The following TNRC18 variants were observed in gnomAD, a reference collection of about 807,000 sequenced individuals.
TNRC18 encodes trinucleotide repeat containing 18, also known as trinucleotide repeat-containing gene 18 protein.
Under a neutral mutation model 226.7 loss-of-function variants are expected in TNRC18, and 69 were observed. The ratio of observed to expected loss-of-function variants is 0.30; its 90% CI spans 0.25 to 0.37. The LOEUF (loss-of-function observed/expected upper bound fraction) is 0.37. Ranked by LOEUF, TNRC18 falls within the 10% of genes least tolerant of loss-of-function variation. The pLI is 1.00. For synonymous variants in TNRC18, 2,449 were observed against 1,927.6 expected (o/e 1.27, Z -7.09); for missense variants, 4,754 against 4,256.6 (o/e 1.12, Z -3.25).
In TNRC18 at chr7:5,374,166, G is replaced by A; in HGVS notation, c.3118C>T (p.Pro1040Ser). 1 of 1,449,534 alleles carries A rather than the reference G, an allele frequency of 6.9e-7. No homozygotes were observed. Among genetic ancestry groups the A allele is most frequent in the South Asian group, 1.4e-5 (1 of 69,868 alleles). 89.8% of individuals were successfully genotyped at this position (1,449,534 alleles called of 1,614,324 possible). A position where few individuals can be genotyped will look rare whatever the true frequency, so the allele number is the denominator to read the frequency against. The change falls in exon 10 of 30, where the codon CCG (proline) becomes TCG (serine). Residue 1040 changes from proline (P) to serine (S), a missense_variant. Pro to Ser is a moderately conservative substitution (Grantham distance 74). Transcript: ENST00000430969. The part of the protein sequence containing the change: ...HPTSPPPASP[P>S]PTPGITRKEE... ...TTGCGGGTGATACCCGGGGTGGGCGGTGGGGAGGCGGGCGGCGGGCTGGTG... is the reference window on the plus strand; with the variant it reads ...TTGCGGGTGATACCCGGGGTGGGCGATGGGGAGGCGGGCGGCGGGCTGGTG...
intron 24 of TNRC18, among the ~76,000 whole-genome samples, chr7:5,319,935 G>C (rs1377788563): frequency 6.6e-6 from 1 of 152,186 alleles, no homozygotes. Context: ...TCTGACCCAG[G>C]CCCGGTCGAT....
chr7:5,346,860 C>G (rs1352909376), intron 17 of TNRC18, among the ~76,000 whole-genome samples: 1 of 152,192 alleles, frequency 6.6e-6, no homozygotes, highest in Non-Finnish European at 1.5e-5. Flanking sequence ...GACAATCGAA[C>G]AGAAACAGGG....
At chr7:5,342,895 C>G (rs1192034161) in intron 18 of TNRC18, among the ~76,000 whole-genome samples, 1 of 152,142 alleles carries the variant, frequency 6.6e-6, no homozygotes, top group Non-Finnish European at 1.5e-5. Context: ...ATTGCCACAG[C>G]CACCCCAACT....
chr7:5,339,199 C>T (rs980419059), intron 18 of TNRC18, among the ~76,000 whole-genome samples: 1 of 149,830 alleles, frequency 6.7e-6, no homozygotes, highest in Non-Finnish European at 1.5e-5. Context: ...ACTTCACCAA[C>T]AAATGTGTTT....
intron 2 of TNRC18, among the ~76,000 whole-genome samples, chr7:5,416,759 A>G (rs527353802): frequency 1.3e-5 from 2 of 152,006 alleles, no homozygotes; most frequent in African/African-American, 2.4e-5. Context: ...CAGGAGGCTG[A>G]GGCAGGAGGA....
At chr7:5,365,886 A>G (rs1332697829) in intron 11 of TNRC18, among the ~76,000 whole-genome samples, 3 of 152,136 alleles carry the variant, frequency 2.0e-5, no homozygotes, top group African/African-American at 4.8e-5. Context: ...CCTGACCAAC[A>G]TGGAGAAACC....
rs752847334 is a variant in TNRC18, at chr7:5,312,651, C to T, written c.8240G>A (p.Ser2747Asn). Residue 2747 changes from serine (S) to asparagine (N), a missense_variant, in exon 27 of 30, where the codon AGC (serine) becomes AAC (asparagine). Coordinates refer to ENST00000430969, the MANE Select transcript of TNRC18 (RefSeq NM_001080495.3). The surrounding 1 kb of genome is among the most constrained non-coding windows in gnomAD (Gnocchi z 6.3). ...GACGCCCTCTCTCTTCTTGGGTCGG[C>T]TCTTGGCCCCGGCCTGAGCCTTGGG... is the stretch of plus-strand genomic sequence containing the variant. ...LQPKAQAGAK[S>N]RPKKREGVHL... is the part of the protein sequence containing the mutation. 9 of 1,608,810 alleles carry T rather than the reference C, an allele frequency of 5.6e-6. No homozygotes were observed. The East Asian group carries it at 1.3e-4, about 24-fold the overall frequency.
At chr7:5,346,612 C>G (rs1791225359) in intron 17 of TNRC18, among the ~76,000 whole-genome samples, 1 of 152,168 alleles carries the variant, frequency 6.6e-6, no homozygotes, top group Non-Finnish European at 1.5e-5. Context: ...AGTTCCAGAC[C>G]AGCCTGGGCA....
intron 3 of TNRC18, among the ~76,000 whole-genome samples, chr7:5,392,932 A>G (rs1016818248): frequency 6.6e-6 from 1 of 152,072 alleles, no homozygotes; most frequent in African/African-American, 2.4e-5. Context: ...GAATGGCTTG[A>G]GCCTGGGAGG....
Position 5,320,401 on chromosome 7 carries a change from G to A in TNRC18, c.6662C>T (p.Thr2221Ile). Residue 2221 changes from threonine to isoleucine, a missense_variant, in exon 24 of 30, where the codon ACT becomes ATT. By Grantham distance (89) the Thr-to-Ile change is moderately conservative (BLOSUM62 -1). Coordinates refer to ENST00000430969, the MANE Select transcript of TNRC18 (RefSeq NM_001080495.3). ...CCTGGTCCCTTGTGGCAAGAAGCGA[G>A]TGGAGGCTGGCCTCACATCGATGAT... ...EAIIDVRPAS[T>I]RFLPQGTRIA... is the part of the protein sequence containing the mutation. 1 of 1,562,310 alleles carries A rather than the reference G, an allele frequency of 6.4e-7. No individual in the cohort carries two copies.
chr7:5,308,317 G>C lies in TNRC18; in HGVS notation c.8701-5C>G, dbSNP rs532939555. On this transcript the variant is annotated splice_region_variant and splice_polypyrimidine_tract_variant and intron_variant, in intron 29 of 29. Transcript: ENST00000430969. ...CGAGGACTGGTATAGCGCGCGCTGC[G>C]GGCACGCGGGGATATCAGGATGGCA... 6.2e-7 allele frequency: 1 copy of C among 1,605,830 alleles called. No individual in the cohort carries two copies. The highest frequency in any genetic ancestry group is 1.7e-5 in the Admixed American group (1 of 58,888).
chr7:5,307,754 TG>T lies in TNRC18; in HGVS notation c.*351del. The T allele has an allele frequency of 2.7e-6, 1 of 374,688 alleles. No individual in the cohort carries two copies. The highest frequency in any genetic ancestry group is 5.1e-6 in the Non-Finnish European group (1 of 194,694). 23.2% of individuals were successfully genotyped at this position (374,688 alleles called of 1,614,324 possible). ...ACCGAATCCCCAGTCTGCATGGACCTGGGGGCACCCGGGCCCCCACGCAGCA... is the reference window on the plus strand; with the variant it reads ...ACCGAATCCCCAGTCTGCATGGACCTGGGGCACCCGGGCCCCCACGCAGCA... On this transcript the variant is annotated 3_prime_UTR_variant, in exon 30 of 30. Coordinates refer to ENST00000430969, the MANE Select transcript of TNRC18 (RefSeq NM_001080495.3).
At chr7:5,405,874 G>A (rs935876063) in intron 2 of TNRC18, among the ~76,000 whole-genome samples, 2 of 152,258 alleles carry the variant, frequency 1.3e-5, no homozygotes, top group South Asian at 2.1e-4. Flanking sequence ...GACCAGTCTC[G>A]GCAACATCAA....
chr7:5,308,345 TG>T (rs148493175), intron 29 of TNRC18, 33 bp from the exon 30 acceptor site: 5 of 1,579,752 alleles, frequency 3.2e-6, no homozygotes, highest in East Asian at 2.3e-5. Context: ...GGATGGCAGG[TG>T]GGGGGCACAG....
chr7:5,311,681 G>T (rs945768673), intron 27 of TNRC18, among the ~76,000 whole-genome samples: 20 of 152,150 alleles, frequency 1.3e-4, no homozygotes, highest in African/African-American at 4.6e-4. Flanking sequence ...TGGGTAGCAT[G>T]GTGGCACATG....
chr7:5,311,137 T>C (rs572309449), intron 27 of TNRC18, among the ~76,000 whole-genome samples: 2 of 152,388 alleles, frequency 1.3e-5, no homozygotes, highest in South Asian at 4.1e-4. Context: ...TGCATGTGTG[T>C]ATACTTGCTT....
chr7:5,351,996 C>A lies in TNRC18; in HGVS notation c.5293G>T (p.Val1765Leu). ...CCAGCTGCCTTGCTGTTCTTTGCCA[C>A]CATGCTACACAGGAGGGAAGGCGTC... The part of the protein sequence containing the change: ...KLTPSLLCSM[V>L]AKNSKAAGGP... Residue 1765 changes from valine to leucine, a missense_variant, in exon 17 of 30, where the codon GTG becomes TTG. Physicochemically the swap from Val to Leu is conservative, Grantham distance 32. Transcript: ENST00000430969. The A allele has an allele frequency of 6.2e-7, 1 of 1,614,024 alleles. No individual in the cohort carries two copies. Among genetic ancestry groups the A allele is most frequent in the Non-Finnish European group, 8.5e-7 (1 of 1,179,894 alleles).
In TNRC18 at chr7:5,370,812, G is replaced by A. The variant is rs184931803; in HGVS notation, c.3782C>T (p.Pro1261Leu). The A allele has an allele frequency of 1.5e-4, 239 of 1,608,608 alleles. No individual in the cohort carries two copies. The Middle Eastern group carries it at 2.1e-3, about 14-fold the overall frequency. ...PETLVEAKEE[P>L]VEVPVAVPVV... The stretch of plus-strand genomic sequence containing the variant: ...GGGCACCGCCACAGGCACCTCCACC[G>A]GCTCCTCCTTGGCCTCCACCAGTGT... Residue 1261 changes from proline to leucine, a missense_variant, in exon 11 of 30, where the codon CCG (proline) becomes CTG (leucine). By Grantham distance (98) the Pro-to-Leu change is moderately conservative (BLOSUM62 -3). Transcript: ENST00000430969.
intron 16 of TNRC18, 92 bp downstream of exon 16, chr7:5,356,824 G>A: frequency 7.4e-7 from 1 of 1,351,746 alleles, no homozygotes; most frequent in South Asian, 1.5e-5. Context: ...GAGAGAGAGT[G>A]AGGGGCGGGG....
Sources: gnomAD v4.1 joint callset for allele counts (sites outside exome capture counted in the v4.1 genomes callset) on GRCh38, gnomAD v4.1.1 for gene constraint, Gnocchi (gnomAD v3.1) non-coding constraint, MANE v1.5 for transcripts, NCBI Gene and HGNC (gene_info 2026-07-23, HGNC 2026-07-21) for gene names.